The following COL24A1 variants were observed in gnomAD, a reference collection of about 807,000 sequenced individuals.
COL24A1 encodes collagen type XXIV alpha 1 chain, also known as collagen alpha-1(XXIV) chain.
A neutral mutation model predicts 253.9 loss-of-function variants in COL24A1; 224 were observed. That is an observed-to-expected ratio of 0.88 (90% CI 0.79 to 0.99). The LOEUF is 0.99. Among genes scored for constraint, COL24A1 ranks in the 50% least tolerant of loss-of-function variants. The probability of loss-of-function intolerance (pLI) is 0.00; values close to 1 mark genes in which losing one functional copy is unlikely to be tolerated. For synonymous variants in COL24A1, 685 were observed against 673.7 expected (o/e 1.02, Z -0.26); for missense variants, 2,131 against 2,068.5 (o/e 1.03, Z -0.59).
intron 27 of COL24A1, among the ~76,000 whole-genome samples, 161 bp from the exon 28 acceptor site, chr1:85,907,408 ATT>A (rs1039171651): frequency 4.6e-5 from 7 of 151,910 alleles, no homozygotes; most frequent in African/African-American, 1.7e-4. Context: ...CTCTACCAAT[ATT>A]CTGCTTTTGA....
At chr1:86,024,111 C>T (rs1214622011) in intron 14 of COL24A1, among the ~76,000 whole-genome samples, 2 of 152,020 alleles carry the variant, frequency 1.3e-5, no homozygotes, top group African/African-American at 4.8e-5. Context: ...ATTTCCCTTC[C>T]ACTTTACTTC....
intron 47 of COL24A1, among the ~76,000 whole-genome samples, chr1:85,787,359 C>G (rs1669790950): frequency 6.6e-6 from 1 of 152,158 alleles, no homozygotes; most frequent in African/African-American, 2.4e-5. Context: ...TGCTCTCCCT[C>G]TGCCTCTGTC....
intron 31 of COL24A1, among the ~76,000 whole-genome samples, chr1:85,894,068 A>C (rs1414124910): frequency 6.6e-6 from 1 of 152,198 alleles, no homozygotes; most frequent in African/African-American, 2.4e-5. Context: ...TAAATGACTA[A>C]AAACGCTAAG....
chr1:86,029,668 T>G (rs1571663783), intron 14 of COL24A1, among the ~76,000 whole-genome samples: 1 of 149,832 alleles, frequency 6.7e-6, no homozygotes, highest in South Asian at 2.1e-4. Flanking sequence ...TAGGCTGGAG[T>G]GCAGCAGCAT....
chr1:86,006,431 C>T (rs1024522784), intron 19 of COL24A1, among the ~76,000 whole-genome samples: 17 of 152,236 alleles, frequency 1.1e-4, no homozygotes, highest in Admixed American at 3.3e-4. Flanking sequence ...TTTCAACAAA[C>T]GGTGCTGAAA....
At chr1:85,837,270 A>T (rs969974497) in intron 43 of COL24A1, among the ~76,000 whole-genome samples, 1 of 152,240 alleles carries the variant, frequency 6.6e-6, no homozygotes, top group Non-Finnish European at 1.5e-5. Context: ...AGAAAAAAAA[A>T]TGGTAATCGC....
intron 2 of COL24A1, among the ~76,000 whole-genome samples, chr1:86,144,021 T>C (rs2102405280): frequency 6.6e-6 from 1 of 152,246 alleles, no homozygotes; most frequent in Non-Finnish European, 1.5e-5. Flanking sequence ...AAAATTTCTT[T>C]TAGGAAAAAA....
At position 85,744,673 on chromosome 1, in the gene COL24A1, T is replaced by C. The variant is rs774464956; in HGVS notation, c.4665A>G (p.Val1555=). The C allele has an allele frequency of 5.6e-6, 9 of 1,605,312 alleles. No homozygotes were observed. The highest frequency in any genetic ancestry group is 7.7e-6 in the Non-Finnish European group (9 of 1,176,202). ...AGGTAACCAAGAACTTACCATCTGA[T>C]ACTTTTTGTTCACAGTTAAGTAAAT... The part of the protein sequence containing the change: ...CKDLLNCEQK[V]SDGKYWIDPN... Residue 1555 remains valine, a synonymous_variant, in exon 57 of 60, where the codon GTA becomes GTG. Transcript: ENST00000370571.
intron 14 of COL24A1, among the ~76,000 whole-genome samples, chr1:86,029,252 C>T (rs1407224194): frequency 6.6e-6 from 1 of 151,998 alleles, no homozygotes; most frequent in African/African-American, 2.4e-5. Flanking sequence ...GGAGGTGGTA[C>T]AGACCAACGA....
At chr1:86,041,788 G>GT (rs1407475619) in intron 12 of COL24A1, among the ~76,000 whole-genome samples, 9 of 152,182 alleles carry the variant, frequency 5.9e-5, no homozygotes, top group Middle Eastern at 3.4e-3. Flanking sequence ...AAACAAAACA[G>GT]TAGTAGTTCT....
intron 45 of COL24A1, among the ~76,000 whole-genome samples, chr1:85,820,822 T>C (rs1673544771): frequency 6.6e-6 from 1 of 152,194 alleles, no homozygotes; most frequent in Admixed American, 6.5e-5. Context: ...AAGGCTTCTG[T>C]TCATTGGGAC....
At chr1:85,736,114 TATG>T (rs1296953324) in intron 58 of COL24A1, 1 of 327,014 alleles carries the variant, frequency 3.1e-6, no homozygotes, top group Non-Finnish European at 6.1e-6. Context: ...GCATGGTTGT[TATG>T]AGGATTAAAA....
chr1:86,030,502 G>A (rs1053010695), intron 14 of COL24A1: 13 of 152,368 alleles, frequency 8.5e-5, no homozygotes, highest in African/African-American at 2.7e-4. Context: ...AAAAGAGCTG[G>A]AAGTCTGCAT....
chr1:85,766,551 G>T (rs1306581027), intron 53 of COL24A1, among the ~76,000 whole-genome samples: 1 of 151,874 alleles, frequency 6.6e-6, no homozygotes, highest in Non-Finnish European at 1.5e-5. Flanking sequence ...TGGTGGAAAG[G>T]ACCTACTTGG....
Position 85,863,473 on chromosome 1 carries a change from T to C in COL24A1, c.3300+5046A>G, listed in dbSNP as rs187464074. Among the ~76,000 whole-genome samples the C allele has an allele frequency of 6.1e-3, 936 of 152,210 alleles. 4 individuals are homozygous for C. Among genetic ancestry groups the C allele is most frequent in the Middle Eastern group, 0.031 (9 of 294 alleles). On this transcript the variant is annotated intron_variant, in intron 37 of 59. Coordinates refer to ENST00000370571, the MANE Select transcript of COL24A1 (RefSeq NM_152890.7). ...CTAGAAGAAAACCTAGGCAATACCA[T>C]TCAGGACATAGGCATGGGCAAGGAC...
At chr1:85,791,363 T>G (rs1357773212) in intron 47 of COL24A1, among the ~76,000 whole-genome samples, 3 of 152,046 alleles carry the variant, frequency 2.0e-5, no homozygotes, top group African/African-American at 7.2e-5. Context: ...AAACACTAAA[T>G]CAGTACAATC....
intron 6 of COL24A1, among the ~76,000 whole-genome samples, chr1:86,089,664 C>CA (rs1304725897): frequency 1.3e-5 from 2 of 151,998 alleles, no homozygotes; most frequent in African/African-American, 4.8e-5. Flanking sequence ...ACTAAAAATA[C>CA]AAAAAACTAG....
intron 59 of COL24A1, among the ~76,000 whole-genome samples, chr1:85,732,870 G>A (rs76292692): frequency 1.5e-4 from 23 of 152,240 alleles, no homozygotes; most frequent in African/African-American, 5.5e-4. Context: ...AGGAGCTGTT[G>A]ATATTATTAT....
intron 19 of COL24A1, among the ~76,000 whole-genome samples, chr1:86,000,151 G>C (rs1695259766): frequency 6.6e-6 from 1 of 151,938 alleles, no homozygotes; most frequent in Admixed American, 6.6e-5. Flanking sequence ...CTAATTCAAG[G>C]TCCATCATTT....
Sources: allele counts gnomAD v4.1 joint callset (sites outside exome capture counted in the v4.1 genomes callset), GRCh38; gene constraint gnomAD v4.1.1; transcripts MANE v1.5; gene names NCBI Gene and HGNC (gene_info 2026-07-23, HGNC 2026-07-21).